The following PTPRQ variants were observed in gnomAD, a reference collection of about 807,000 sequenced individuals.
PTPRQ encodes the protein phosphatidylinositol phosphatase PTPRQ.
In PTPRQ, 199 loss-of-function variants were observed where a neutral mutation model predicts 246.0. That is an observed-to-expected ratio of 0.81 (90% CI 0.72 to 0.91). The LOEUF (loss-of-function observed/expected upper bound fraction) is 0.91, where lower values mean the gene tolerates loss of function less well. Ranked by LOEUF, PTPRQ falls within the 40% of genes least tolerant of loss-of-function variation. PTPRQ has a pLI of 0.00. For missense variants in PTPRQ, 2,624 were observed against 2,528.4 expected (o/e 1.04, Z -0.81); for synonymous variants, 869 against 853.2 (o/e 1.02, Z -0.32).
At chr12:80,626,691 A>T (rs1311343143) in intron 33 of PTPRQ, among the ~76,000 whole-genome samples, 1 of 152,164 alleles carries the variant, frequency 6.6e-6, no homozygotes, top group Non-Finnish European at 1.5e-5. Flanking sequence ...TGTACTTGTA[A>T]CCACTGCACA....
chr12:80,514,768 T>G (rs1274192358), intron 17 of PTPRQ, among the ~76,000 whole-genome samples: 1 of 146,538 alleles, frequency 6.8e-6, no homozygotes, highest in Non-Finnish European at 1.5e-5. Flanking sequence ...TATTACATAT[T>G]ATTATATATA....
At chr12:80,526,386 G>A (rs1486070083) in intron 17 of PTPRQ, among the ~76,000 whole-genome samples, 1 of 152,152 alleles carries the variant, frequency 6.6e-6, no homozygotes, top group Admixed American at 6.6e-5. Context: ...GACTATTAGT[G>A]TGGTTTTTGT....
intron 35 of PTPRQ, among the ~76,000 whole-genome samples, chr12:80,640,895 G>A (rs1010878866): frequency 6.6e-6 from 1 of 152,080 alleles, no homozygotes; most frequent in Non-Finnish European, 1.5e-5. Context: ...TGTTAGATTT[G>A]ATAGCAAATT....
At chr12:80,503,462 C>G (rs1053171653) in intron 14 of PTPRQ, among the ~76,000 whole-genome samples, 1 of 151,786 alleles carries the variant, frequency 6.6e-6, no homozygotes, top group African/African-American at 2.4e-5. Context: ...TAACTGGTAA[C>G]AATCAAGGGG....
chr12:80,531,054 G>A (rs1895829798), intron 17 of PTPRQ, among the ~76,000 whole-genome samples: 1 of 150,722 alleles, frequency 6.6e-6, no homozygotes, highest in South Asian at 2.1e-4. Context: ...ATTTAAAGAA[G>A]TTTAAAAGGA....
At chr12:80,482,380 T>C (rs1894099335) in intron 8 of PTPRQ, among the ~76,000 whole-genome samples, 1 of 152,070 alleles carries the variant, frequency 6.6e-6, no homozygotes, top group African/African-American at 2.4e-5. Flanking sequence ...TAATTCAAGA[T>C]GGATTAAAGA....
intron 8 of PTPRQ, among the ~76,000 whole-genome samples, chr12:80,481,540 G>T (rs2120593388): frequency 6.6e-6 from 1 of 152,214 alleles, no homozygotes; most frequent in Non-Finnish European, 1.5e-5. Flanking sequence ...TTAGGCAGGA[G>T]AAGGAAATAA....
chr12:80,609,613 T>C (rs1284345426), intron 27 of PTPRQ, among the ~76,000 whole-genome samples: 1 of 150,606 alleles, frequency 6.6e-6, no homozygotes, highest in Non-Finnish European at 1.5e-5. Flanking sequence ...ACAAATCATA[T>C]AGCTACATTT....
intron 38 of PTPRQ, among the ~76,000 whole-genome samples, chr12:80,655,591 G>GTCTC (rs374059957): frequency 1.3e-5 from 2 of 148,538 alleles, no homozygotes; most frequent in African/African-American, 5.0e-5. Flanking sequence ...CTCTCTCTCT[G>GTCTC]TCTCTCTCTC....
Position 80,634,951 on chromosome 12 carries a change from A to G in PTPRQ, c.5793A>G (p.Arg1931=), listed in dbSNP as rs1305852322. ...TTTACTCCGCTTGTTTTAGAATTCG[A>G]CAGAAGCAGAAAGAAGGTGGCACAT... is the stretch of plus-strand genomic sequence containing the variant. The part of the protein sequence containing the change: ...GTAIFAFARI[R]QKQKEGGTYS... The change falls in exon 35 of 45, where the codon CGA becomes CGG. Residue 1931 remains arginine, a synonymous_variant. Transcript: ENST00000644991. 3 of 1,550,554 alleles carry G rather than the reference A, an allele frequency of 1.9e-6. No individual in the cohort carries two copies. In the African/African-American group the frequency reaches 4.1e-5, roughly 21 times the overall value.
chr12:80,447,691 T>C lies in PTPRQ; in HGVS notation c.390+1974T>C, dbSNP rs572124546. ...CCATTGTTTATTTTTGTCAACTTTGTCAAAAATCAGTTGGTTGTAGGTATG... is the reference window on the plus strand; with the variant it reads ...CCATTGTTTATTTTTGTCAACTTTGCCAAAAATCAGTTGGTTGTAGGTATG... On this transcript the variant is annotated intron_variant, in intron 3 of 44. Coordinates refer to ENST00000644991, the MANE Select transcript of PTPRQ (RefSeq NM_001145026.2). 3.1e-4 allele frequency among the ~76,000 whole-genome samples: 47 copies of C among 150,684 alleles called. 1 individual carries two copies. The highest frequency in any genetic ancestry group is 1.5e-4 in the Non-Finnish European group (10 of 67,978).
At chr12:80,445,444 T>C in intron 2 of PTPRQ, 47 bp from the exon 3 acceptor site, 2 of 1,182,520 alleles carry the variant, frequency 1.7e-6, no homozygotes, top group Non-Finnish European at 2.3e-6. Flanking sequence ...TTTGTGAAAA[T>C]GCAATAATTA....
At chr12:80,459,108 C>G (rs1893067266) in intron 4 of PTPRQ, among the ~76,000 whole-genome samples, 176 bp from the exon 5 acceptor site, 1 of 151,958 alleles carries the variant, frequency 6.6e-6, no homozygotes, top group Non-Finnish European at 1.5e-5. Context: ...TTGACTTGCC[C>G]CAACTCCAGT....
intron 17 of PTPRQ, among the ~76,000 whole-genome samples, chr12:80,516,051 C>A (rs751465706): frequency 2.0e-5 from 3 of 151,956 alleles, no homozygotes; most frequent in Admixed American, 1.3e-4. Context: ...ATAAATAACA[C>A]GTATTTTTCA....
intron 3 of PTPRQ, among the ~76,000 whole-genome samples, chr12:80,453,135 C>A (rs905449611): frequency 2.0e-5 from 3 of 152,114 alleles, no homozygotes; most frequent in Admixed American, 6.6e-5. Context: ...ATCACTGATA[C>A]CCTTTCTTCC....
chr12:80,491,246 T>C (rs1465541527), intron 9 of PTPRQ, among the ~76,000 whole-genome samples: 1 of 151,984 alleles, frequency 6.6e-6, no homozygotes, highest in Non-Finnish European at 1.5e-5. Context: ...GGAAATTCTT[T>C]GTGCTACCTC....
At position 80,505,914 on chromosome 12, in the gene PTPRQ, T is replaced by C. The variant is rs1894942172; in HGVS notation, c.2273-110T>C. 1.7e-6 allele frequency: 2 copies of C among 1,187,914 alleles called. 1 individual carries two copies. Among genetic ancestry groups the C allele is most frequent in the Non-Finnish European group, 2.3e-6 (2 of 884,906 alleles). 73.6% of individuals were successfully genotyped at this position (1,187,914 alleles called of 1,614,324 possible). Reference sequence around the variant, plus strand: ...TTCAGGATATTTATTACGATTACATTCTAGTGAAGGTTCAATTGTAAATAA... The same window carrying C: ...TTCAGGATATTTATTACGATTACATCCTAGTGAAGGTTCAATTGTAAATAA... On this transcript the variant is annotated intron_variant, in intron 14 of 44. Transcript: ENST00000644991.
Position 80,496,356 on chromosome 12 carries a change from T to C in PTPRQ, c.2097T>C (p.Tyr699=), listed in dbSNP as rs1430842209. The change falls in exon 14 of 45, where the codon TAT becomes TAC. Residue 699 remains tyrosine (Y), a synonymous_variant. Transcript: ENST00000644991. ...AGCCCAATGGGATCATTATTGCTTATGAAGTGCTATATAAAAATATAGATA... is the reference window on the plus strand; with the variant it reads ...AGCCCAATGGGATCATTATTGCTTACGAAGTGCTATATAAAAATATAGATA... The part of the protein sequence containing the change: ...PEKPNGIIIA[Y]EVLYKNIDTL... 6.4e-7 allele frequency: 1 copy of C among 1,550,776 alleles called. No individual in the cohort carries two copies. The highest frequency in any genetic ancestry group is 8.7e-7 in the Non-Finnish European group (1 of 1,146,444).
Position 80,542,823 on chromosome 12 carries a change from T to A in PTPRQ, c.3815T>A (p.Ile1272Asn). The A allele has an allele frequency of 6.5e-7, 1 of 1,548,450 alleles. No individual in the cohort carries two copies. Among genetic ancestry groups the A allele is most frequent in the Non-Finnish European group, 8.7e-7 (1 of 1,145,458 alleles). The change falls in exon 23 of 45, where the codon ATT becomes AAT. Residue 1272 changes from isoleucine (I) to asparagine (N), a missense_variant. Physicochemically the swap from Ile to Asn is moderately radical, Grantham distance 149. Coordinates refer to ENST00000644991, the MANE Select transcript of PTPRQ (RefSeq NM_001145026.2). Reference sequence around the variant, plus strand: ...AGCCCAAGTCCTCTTCCAGGTGGTATTGTTAAAGTATATAGTTTTAAAATT... The same window carrying A: ...AGCCCAAGTCCTCTTCCAGGTGGTAATGTTAAAGTATATAGTTTTAAAATT... ...KWSPSPLPGG[I>N]VKVYSFKIHE...
Sources: gnomAD v4.1 joint callset for allele counts (sites outside exome capture counted in the v4.1 genomes callset) on GRCh38, gnomAD v4.1.1 for gene constraint, MANE v1.5 for transcripts, NCBI Gene and HGNC (gene_info 2026-07-23, HGNC 2026-07-21) for gene names.